KIF18A: variants seen among roughly 807,000 people sequenced by gnomAD.
The protein encoded by KIF18A is kinesin family member 18A, also known as kinesin-like protein KIF18A.
KIF18A carries 67 observed loss-of-function variants against 103.3 expected under a neutral mutation model. That is an observed-to-expected ratio of 0.65 (90% CI 0.53 to 0.79). KIF18A has a LOEUF of 0.79. Ranked by LOEUF, KIF18A falls within the 30% of genes least tolerant of loss-of-function variation. The pLI, the probability that KIF18A is intolerant of heterozygous loss-of-function variation, is 0.00. For synonymous variants in KIF18A, 367 were observed against 355.5 expected (o/e 1.03, Z -0.36); for missense variants, 1,032 against 1,062.5 (o/e 0.97, Z 0.40).
At chr11:28,066,976 T>G (rs1360910699) in intron 11 of KIF18A, among the ~76,000 whole-genome samples, 1 of 151,822 alleles carries the variant, frequency 6.6e-6, no homozygotes, top group Non-Finnish European at 1.5e-5. Context: ...TTGCTAGGTT[T>G]TGAATGTAGC....
intron 9 of KIF18A, among the ~76,000 whole-genome samples, chr11:28,078,158 A>T (rs1490301633): frequency 6.6e-6 from 1 of 152,150 alleles, no homozygotes; most frequent in Non-Finnish European, 1.5e-5. Flanking sequence ...AGATATACTC[A>T]TAAGGATCAG....
chr11:28,106,544 T>C (rs776749919), intron 1 of KIF18A, among the ~76,000 whole-genome samples: 71 of 139,488 alleles, frequency 5.1e-4, no homozygotes, highest in Non-Finnish European at 8.4e-4. Flanking sequence ...GTTTTCACAG[T>C]TGTCAGCAAA....
At chr11:28,067,345 C>A (rs928885293) in intron 11 of KIF18A, among the ~76,000 whole-genome samples, 2 of 152,094 alleles carry the variant, frequency 1.3e-5, no homozygotes, top group Non-Finnish European at 2.9e-5. Context: ...TAAATATCCA[C>A]AATAAGGAAA....
chr11:28,043,148 A>G (rs937837696), intron 13 of KIF18A, among the ~76,000 whole-genome samples: 2 of 151,962 alleles, frequency 1.3e-5, no homozygotes, highest in African/African-American at 2.4e-5. Flanking sequence ...TCTAAAATTC[A>G]GTCCTGGCTC....
chr11:28,027,784 T>A (rs992208732), intron 15 of KIF18A, among the ~76,000 whole-genome samples: 7 of 151,906 alleles, frequency 4.6e-5, no homozygotes, highest in Admixed American at 4.0e-4. Context: ...AAAGAACCAA[T>A]ACCAATCTTA....
chr11:28,058,433 C>T (rs2133525043), intron 13 of KIF18A, among the ~76,000 whole-genome samples: 1 of 141,188 alleles, frequency 7.1e-6, no homozygotes, highest in South Asian at 2.3e-4. Flanking sequence ...GAGACAACTG[C>T]TTGAGCCCAG....
intron 15 of KIF18A, among the ~76,000 whole-genome samples, chr11:28,029,252 C>A (rs1293445751): frequency 6.6e-6 from 1 of 152,034 alleles, no homozygotes; most frequent in Non-Finnish European, 1.5e-5. Flanking sequence ...ACCAATATCC[C>A]TGAAGAACAT....
intron 1 of KIF18A, among the ~76,000 whole-genome samples, chr11:28,106,356 A>G (rs915549899): frequency 6.6e-6 from 1 of 152,070 alleles, no homozygotes; most frequent in African/African-American, 2.4e-5. Flanking sequence ...TTCAACAAAC[A>G]CTGTATAGGA....
At chr11:28,099,824 A>G (rs1049886314) in intron 1 of KIF18A, among the ~76,000 whole-genome samples, 1 of 152,088 alleles carries the variant, frequency 6.6e-6, no homozygotes. Flanking sequence ...TTTGGCTTGT[A>G]CTCTGAGTAA....
chr11:28,069,535 G>T, intron 10 of KIF18A, 112 bp from the exon 11 acceptor site: 1 of 1,012,596 alleles, frequency 9.9e-7, no homozygotes, highest in Non-Finnish European at 1.4e-6. Flanking sequence ...ATTAAGTTAG[G>T]CTACATTTTT....
In KIF18A at chr11:28,036,284, T is replaced by A. The variant is rs1215434224; in HGVS notation, c.2329A>T (p.Lys777Ter). 1 of 1,610,130 alleles carries A rather than the reference T, an allele frequency of 6.2e-7. No individual in the cohort carries two copies. The highest frequency in any genetic ancestry group is 2.2e-5 in the East Asian group (1 of 44,776). Reference protein sequence around the residue: ...DSTFTICEDIKSSKCKLPEQE... With the variant: ...DSTFTICEDI ...TCGGGTAATTTACACTTCGAGCTCT[T>A]GATGTCTTCACATATAGTAAATGTA... Residue 777 changes from lysine to a stop codon, truncating the protein, a stop_gained, in exon 14 of 17, where the codon AAG becomes TAG. Coordinates refer to ENST00000263181, the MANE Select transcript of KIF18A (RefSeq NM_031217.4). LOFTEE classifies it high-confidence loss of function.
intron 2 of KIF18A, among the ~76,000 whole-genome samples, chr11:28,096,223 CTG>C (rs769051813): frequency 2.3e-4 from 34 of 146,318 alleles, no homozygotes; most frequent in Middle Eastern, 3.8e-3. Flanking sequence ...AAAATCCACT[CTG>C]TGAATTACAT....
intron 16 of KIF18A, among the ~76,000 whole-genome samples, chr11:28,022,981 A>G (rs1699031914): frequency 6.6e-6 from 1 of 152,242 alleles, no homozygotes; most frequent in African/African-American, 2.4e-5. Context: ...TATAATTATC[A>G]GTTCCTATAG....
At chr11:28,036,886 T>C (rs1187761485) in intron 13 of KIF18A, among the ~76,000 whole-genome samples, 1 of 151,522 alleles carries the variant, frequency 6.6e-6, no homozygotes. Context: ...AAAGAATATA[T>C]TGCTAATATC....
intron 6 of KIF18A, among the ~76,000 whole-genome samples, chr11:28,085,136 A>G (rs1200019814): frequency 6.6e-6 from 1 of 152,148 alleles, no homozygotes; most frequent in Non-Finnish European, 1.5e-5. Flanking sequence ...ACATTGTGAG[A>G]AGTGATCTAG....
At chr11:28,068,897 T>A (rs1042166120) in intron 11 of KIF18A, among the ~76,000 whole-genome samples, 7 of 152,204 alleles carry the variant, frequency 4.6e-5, no homozygotes, top group East Asian at 1.9e-4. Context: ...TTTGCCATTC[T>A]AAGGTGGAAT....
chr11:28,100,584 T>C (rs1259432742), intron 1 of KIF18A, among the ~76,000 whole-genome samples: 3 of 150,180 alleles, frequency 2.0e-5, no homozygotes, highest in Non-Finnish European at 4.4e-5. Context: ...TGTCAAGATG[T>C]TTTGTTTGTA....
At chr11:28,058,559 G>T (rs1381641732) in intron 13 of KIF18A, among the ~76,000 whole-genome samples, 1 of 146,986 alleles carries the variant, frequency 6.8e-6, no homozygotes, top group Admixed American at 6.8e-5. Flanking sequence ...CTACTTGTGG[G>T]GCTGAAGTGG....
intron 14 of KIF18A, 151 bp from the exon 15 acceptor site, chr11:28,035,645 C>T: frequency 2.3e-6 from 1 of 431,628 alleles, no homozygotes. Context: ...CCTTGCTTGT[C>T]CTGGGGTATT....
Sources: allele counts gnomAD v4.1 joint callset (sites outside exome capture counted in the v4.1 genomes callset), GRCh38; gene constraint gnomAD v4.1.1; transcripts MANE v1.5; gene names NCBI Gene and HGNC (gene_info 2026-07-23, HGNC 2026-07-21).